Variants in STXBP5L observed in about 807,000 individuals in gnomAD.
STXBP5L encodes the protein syntaxin binding protein 5L.
In STXBP5L, 65 loss-of-function variants were observed where a neutral mutation model predicts 144.5. That is an observed-to-expected ratio of 0.45 (90% confidence interval 0.37 to 0.55). The LOEUF (loss-of-function observed/expected upper bound fraction) is 0.55. STXBP5L is among the 20% of genes least tolerant of loss of function. STXBP5L has a pLI of 0.00. For missense variants in STXBP5L, 1,298 were observed against 1,405.5 expected (o/e 0.92, Z 1.22); for synonymous variants, 505 against 469.6 (o/e 1.08, Z -0.97).
At chr3:120,958,021 A>G (rs1402771015) in intron 3 of STXBP5L, among the ~76,000 whole-genome samples, 1 of 152,150 alleles carries the variant, frequency 6.6e-6, no homozygotes, top group Non-Finnish European at 1.5e-5. Context: ...CAAGACTAAT[A>G]AAGAAGAAAA....
chr3:121,303,101 A>C (rs903382988), intron 19 of STXBP5L, among the ~76,000 whole-genome samples: 4 of 152,204 alleles, frequency 2.6e-5, no homozygotes, highest in African/African-American at 9.6e-5. Flanking sequence ...GGCAACCTAC[A>C]AAATGGGAGA....
intron 20 of STXBP5L, among the ~76,000 whole-genome samples, chr3:121,337,441 A>AG (rs1559989466): frequency 7.0e-6 from 1 of 142,214 alleles, no homozygotes. Context: ...AACAACAGTA[A>AG]AAAAAAAAAA....
chr3:121,067,446 CTT>C (rs1467891130), intron 5 of STXBP5L, among the ~76,000 whole-genome samples: 1 of 152,018 alleles, frequency 6.6e-6, no homozygotes, highest in Non-Finnish European at 1.5e-5. Flanking sequence ...TTTTCTATCT[CTT>C]GTTAGTAAAA....
chr3:121,380,126 A>C (rs2046289664), intron 21 of STXBP5L, among the ~76,000 whole-genome samples: 1 of 152,158 alleles, frequency 6.6e-6, no homozygotes, highest in Non-Finnish European at 1.5e-5. Flanking sequence ...TAGCACTCTC[A>C]ATCACTGTAA....
chr3:121,177,636 A>C (rs2046986839), intron 9 of STXBP5L, among the ~76,000 whole-genome samples: 1 of 152,228 alleles, frequency 6.6e-6, no homozygotes, highest in South Asian at 2.1e-4. Context: ...AACAAATGTT[A>C]GCAAGAATGT....
chr3:120,962,256 G>T (rs1484705550), intron 3 of STXBP5L, among the ~76,000 whole-genome samples: 2 of 152,100 alleles, frequency 1.3e-5, no homozygotes, highest in Non-Finnish European at 2.9e-5. Context: ...AGTTTCTTTT[G>T]CTGTGTAGAA....
Position 120,980,443 on chromosome 3 carries a change from C to T in STXBP5L, c.287+25406C>T, listed in dbSNP as rs374613643. 1.3e-4 allele frequency among the ~76,000 whole-genome samples: 19 copies of T among 144,444 alleles called. No individual in the cohort carries two copies. In the East Asian group the frequency reaches 2.8e-3, roughly 21 times the overall value. The allele number at this position is 144,444 out of a possible 152,430, so 94.8% of individuals were successfully genotyped here. On this transcript the variant is annotated intron_variant, in intron 3 of 26. Transcript: ENST00000471454. ...TTTCTTGTTGAATTTATCACTTTAT[C>T]ACCATATAATGTCCTGCTTTTTTTT...
At chr3:121,379,270 A>T (rs2046270102) in intron 21 of STXBP5L, among the ~76,000 whole-genome samples, 1 of 152,208 alleles carries the variant, frequency 6.6e-6, no homozygotes, top group Non-Finnish European at 1.5e-5. Flanking sequence ...TTGTCAAATG[A>T]ATGTGACCAA....
intron 19 of STXBP5L, 59 bp downstream of exon 19, chr3:121,280,015 T>C (rs746731591): frequency 3.2e-6 from 5 of 1,562,880 alleles, no homozygotes; most frequent in Non-Finnish European, 4.3e-6. Context: ...TTCTTATTTT[T>C]AGATTTCTTG....
chr3:121,218,817 A>C (rs976041368), intron 10 of STXBP5L, among the ~76,000 whole-genome samples: 1 of 152,194 alleles, frequency 6.6e-6, no homozygotes, highest in Non-Finnish European at 1.5e-5. Flanking sequence ...TGACCTTGCA[A>C]AGTTTAATTA....
At chr3:120,957,208 G>A (rs977031333) in intron 3 of STXBP5L, among the ~76,000 whole-genome samples, 7 of 151,862 alleles carry the variant, frequency 4.6e-5, no homozygotes, top group Non-Finnish European at 4.4e-5. Flanking sequence ...CTACTACACT[G>A]TTTTTATTTA....
At chr3:120,988,193 G>A (rs1286095942) in intron 3 of STXBP5L, among the ~76,000 whole-genome samples, 1 of 150,676 alleles carries the variant, frequency 6.6e-6, no homozygotes, top group African/African-American at 2.4e-5. Context: ...CTTGAAGTAG[G>A]AACTTAGATT....
At chr3:120,995,377 G>T (rs1486396032) in intron 3 of STXBP5L, among the ~76,000 whole-genome samples, 1 of 151,904 alleles carries the variant, frequency 6.6e-6, no homozygotes, top group African/African-American at 2.4e-5. Context: ...TGAACTCCTG[G>T]GCTCAAGTGA....
intron 20 of STXBP5L, among the ~76,000 whole-genome samples, chr3:121,349,987 T>C (rs553396842): frequency 6.6e-6 from 1 of 152,276 alleles, no homozygotes; most frequent in Non-Finnish European, 1.5e-5. Flanking sequence ...ATGTGTGAAT[T>C]TGATCCTGTC....
intron 9 of STXBP5L, among the ~76,000 whole-genome samples, chr3:121,189,552 G>C (rs2108152663): frequency 6.6e-6 from 1 of 152,258 alleles, no homozygotes; most frequent in Non-Finnish European, 1.5e-5. Context: ...TATTATTTCT[G>C]AGGGCTCTAT....
intron 9 of STXBP5L, among the ~76,000 whole-genome samples, chr3:121,169,020 G>A (rs1363653746): frequency 6.6e-6 from 1 of 152,182 alleles, no homozygotes; most frequent in African/African-American, 2.4e-5. Flanking sequence ...CCAGAAGAGA[G>A]TGGGGACCAA....
At chr3:120,940,601 A>T (rs1710516902) in intron 2 of STXBP5L, among the ~76,000 whole-genome samples, 1 of 151,198 alleles carries the variant, frequency 6.6e-6, no homozygotes, top group African/African-American at 2.4e-5. Flanking sequence ...CAGATGGTAA[A>T]ATCACGTAAG....
chr3:120,909,801 C>A (rs1029266016), intron 2 of STXBP5L, 34 bp downstream of exon 2: 1 of 1,572,890 alleles, frequency 6.4e-7, no homozygotes, highest in Admixed American at 2.0e-5. Flanking sequence ...CCTATTATTT[C>A]TTTATTATAC....
chr3:121,052,203 A>G (rs1948064395), intron 5 of STXBP5L, among the ~76,000 whole-genome samples: 1 of 152,316 alleles, frequency 6.6e-6, no homozygotes, highest in Non-Finnish European at 1.5e-5. Flanking sequence ...TCAATAGAAA[A>G]AGAGGGAATC....
Sources: allele counts gnomAD v4.1 joint callset (sites outside exome capture counted in the v4.1 genomes callset), GRCh38; gene constraint gnomAD v4.1.1; transcripts MANE v1.5; gene names NCBI Gene and HGNC (gene_info 2026-07-23, HGNC 2026-07-21).